The following XPC variants were observed in gnomAD, a reference collection of about 807,000 sequenced individuals.
The protein encoded by XPC is DNA repair protein complementing XP-C cells.
A neutral mutation model predicts 95.8 loss-of-function variants in XPC; 76 were observed. The ratio of observed to expected loss-of-function variants is 0.79; its 90% confidence interval spans 0.66 to 0.96. The LOEUF is 0.96. XPC is among the 40% of genes least tolerant of loss of function. The probability of loss-of-function intolerance (pLI) is 0.00; values close to 1 mark genes in which losing one functional copy is unlikely to be tolerated. For synonymous variants in XPC, 442 were observed against 442.1 expected (o/e 1.00, Z 0.00); for missense variants, 1,146 against 1,179.8 (o/e 0.97, Z 0.42).
At chr3:14,149,494 C>T (rs1695599019) in intron 11 of XPC, 1 of 154,224 alleles carries the variant, frequency 6.5e-6, no homozygotes. Context: ...CGGAGTCTCA[C>T]TCTGTTGCCC....
At chr3:14,176,019 G>A (rs1696800679) in intron 1 of XPC, among the ~76,000 whole-genome samples, 1 of 152,160 alleles carries the variant, frequency 6.6e-6, no homozygotes, top group Non-Finnish European at 1.5e-5. Context: ...CCTAACATGG[G>A]TAAAGCTAAA....
In XPC at chr3:14,168,149, C is replaced by G. The variant is rs961966979; in HGVS notation, c.536+108G>C. On this transcript the variant is annotated intron_variant, in intron 4 of 15. Transcript: ENST00000285021. ...GTTCCTGACCCAAGGTTCTCGACCA[C>G]TTTGATACTCAGTCCTGGTCCCCTA... The G allele has an allele frequency of 3.5e-6, 5 of 1,417,796 alleles. No homozygotes were observed. In the East Asian group the frequency reaches 1.3e-4, roughly 37 times the overall value. The allele number at this position is 1,417,796 out of a possible 1,614,324, so 87.8% of individuals were successfully genotyped here.
At chr3:14,171,063 T>C (rs1696591996) in intron 2 of XPC, among the ~76,000 whole-genome samples, 1 of 152,164 alleles carries the variant, frequency 6.6e-6, no homozygotes, top group Non-Finnish European at 1.5e-5. Flanking sequence ...GAGTCATAAA[T>C]AACAAGAGAC....
chr3:14,161,833 G>GGCGT (rs1696178457), intron 7 of XPC, among the ~76,000 whole-genome samples: 1 of 151,408 alleles, frequency 6.6e-6, no homozygotes, highest in Non-Finnish European at 1.5e-5. Flanking sequence ...GCAAGAAAAA[G>GGCGT]GCATGCAAAC....
At chr3:14,169,653 G>C (rs1696532182) in intron 3 of XPC, among the ~76,000 whole-genome samples, 1 of 152,166 alleles carries the variant, frequency 6.6e-6, no homozygotes, top group Non-Finnish European at 1.5e-5. Context: ...AGGTCATTTT[G>C]TCATGCAGGA....
At position 14,168,372 on chromosome 3, in the gene XPC, C is replaced by G. The variant is rs1455559951; in HGVS notation, c.421G>C (p.Glu141Gln). 1 of 1,613,566 alleles carries G rather than the reference C, an allele frequency of 6.2e-7. No individual in the cohort carries two copies. The highest frequency in any genetic ancestry group is 1.3e-5 in the African/African-American group (1 of 74,872). The change falls in exon 4 of 16, where the codon GAG (glutamate) becomes CAG (glutamine). Residue 141 changes from glutamate (E) to glutamine (Q), a missense_variant. Transcript: ENST00000285021. ...NDWEEVEELS[E>Q]PVLGDVREST... ...TCTCTCACGTCACCCAGCACAGGCT[C>G]ACTAAGTTCTATCAACAAGCATTTT...
At chr3:14,165,825 T>C (rs1559380003) in intron 5 of XPC, 1 of 472,868 alleles carries the variant, frequency 2.1e-6, no homozygotes, top group Non-Finnish European at 3.8e-6. Context: ...AAAATACAAA[T>C]TGCTTTGTTT....
Position 14,158,696 on chromosome 3 carries a change from G to A in XPC, c.1187C>T (p.Pro396Leu). 1 of 1,613,846 alleles carries A rather than the reference G, an allele frequency of 6.2e-7. No individual in the cohort carries two copies. Among genetic ancestry groups the A allele is most frequent in the Admixed American group, 1.7e-5 (1 of 60,018 alleles). ...GCCCTCATCTTCCTCGCTGGAGGAG[G>A]GCTTGCTCCGTTTCTTTCTGCCTCC... ...NKGGRKKRSK[P>L]SSSEEDEGPG... The change falls in exon 9 of 16, where the codon CCC (proline) becomes CTC (leucine). Residue 396 changes from proline to leucine, a missense_variant. Transcript: ENST00000285021. The surrounding 1 kb of genome is among the most constrained non-coding windows in gnomAD (Gnocchi z 5.2).
intron 2 of XPC, among the ~76,000 whole-genome samples, chr3:14,171,073 C>G (rs3731076): frequency 0.022 from 3,339 of 152,246 alleles, 119 homozygotes; most frequent in African/African-American, 0.076. Context: ...TAACAAGAGA[C>G]ATAGACAGCT....
intron 5 of XPC, chr3:14,165,807 A>C: frequency 2.4e-5 from 12 of 496,204 alleles, no homozygotes; most frequent in East Asian, 3.3e-5. Flanking sequence ...ATCAAACCTC[A>C]AAGCTTCAAA....
chr3:14,176,320 A>G (rs1279199157), intron 1 of XPC, among the ~76,000 whole-genome samples: 2 of 152,212 alleles, frequency 1.3e-5, no homozygotes, highest in Admixed American at 6.5e-5. Flanking sequence ...CCCTTGCTAA[A>G]ATACCAACCA....
At chr3:14,156,803 AAC>A (rs1490111063) in intron 9 of XPC, among the ~76,000 whole-genome samples, 1 of 152,312 alleles carries the variant, frequency 6.6e-6, no homozygotes, top group African/African-American at 2.4e-5. Flanking sequence ...AAGGAAGAAA[AAC>A]ACACAGTGCT....
intron 2 of XPC, among the ~76,000 whole-genome samples, chr3:14,172,577 T>A (rs1696655722): frequency 6.6e-6 from 1 of 152,170 alleles, no homozygotes. Context: ...TGTATACATC[T>A]AATATTTTTG....
At chr3:14,152,732 C>G (rs775128447) in intron 10 of XPC, 5 of 291,670 alleles carry the variant, frequency 1.7e-5, no homozygotes, top group Admixed American at 5.5e-5. Flanking sequence ...TGCAGACTAT[C>G]AGGATGGGGT....
Position 14,164,881 on chromosome 3 carries a change from T to C in XPC, c.832A>G (p.Asn278Asp). ...CTCCTTTCCAATGTAGTCTGCAGGT[T>C]ATCTTGTTCACTGGCTGAAAGTTCT... ...NAELSASEQD[N>D]LQTTLERRFA... Residue 278 changes from asparagine (N) to aspartate (D), a missense_variant, in exon 7 of 16, where the codon AAC becomes GAC. Coordinates refer to ENST00000285021, the MANE Select transcript of XPC (RefSeq NM_004628.5). The C allele has an allele frequency of 6.2e-7, 1 of 1,612,742 alleles. No individual in the cohort carries two copies. Among genetic ancestry groups the C allele is most frequent in the Non-Finnish European group, 8.5e-7 (1 of 1,179,328 alleles).
At chr3:14,153,900 C>G (rs1456797295) in intron 10 of XPC, among the ~76,000 whole-genome samples, 1 of 152,218 alleles carries the variant, frequency 6.6e-6, no homozygotes, top group Admixed American at 6.5e-5. Flanking sequence ...CAAAGCTCCA[C>G]TCATGCTCCC....
chr3:14,164,145 A>G (rs1468562940), intron 7 of XPC, among the ~76,000 whole-genome samples: 1 of 150,264 alleles, frequency 6.7e-6, no homozygotes, highest in Non-Finnish European at 1.5e-5. Flanking sequence ...CCAACACGGA[A>G]GAAGAGAACT....
chr3:14,176,257 T>C (rs1370508979), intron 1 of XPC, among the ~76,000 whole-genome samples: 1 of 152,230 alleles, frequency 6.6e-6, no homozygotes, highest in African/African-American at 2.4e-5. Flanking sequence ...AAATTTTTAA[T>C]TGCCATATAT....
chr3:14,152,392 G>A lies in XPC; in HGVS notation c.2058C>T (p.Ser686=), dbSNP rs755498328. The change falls in exon 11 of 16, where the codon TCC becomes TCT. Residue 686 remains serine, a synonymous_variant. Coordinates refer to ENST00000285021, the MANE Select transcript of XPC (RefSeq NM_004628.5). ...YSRDCVHTLH[S]RDTWLKKARV... is the part of the protein sequence containing the mutation. ...TTGCTTTCTTCAGCCACGTGTCCCTGGAATGCAGAGTGTGCACACAATCCC... is the reference window on the plus strand; with the variant it reads ...TTGCTTTCTTCAGCCACGTGTCCCTAGAATGCAGAGTGTGCACACAATCCC... 5.6e-6 allele frequency: 9 copies of A among 1,612,640 alleles called. No homozygotes were observed. The Admixed American group carries it at 8.4e-5, about 15-fold the overall frequency.
Sources: allele counts gnomAD v4.1 joint callset (sites outside exome capture counted in the v4.1 genomes callset), GRCh38; gene constraint gnomAD v4.1.1; non-coding constraint Gnocchi (gnomAD v3.1); transcripts MANE v1.5; gene names NCBI Gene and HGNC (gene_info 2026-07-23, HGNC 2026-07-21).